The following DLG2 variants were observed in gnomAD, a reference collection of about 807,000 sequenced individuals.
The protein encoded by DLG2 is discs large MAGUK scaffold protein 2, also known as disks large homolog 2.
Under a neutral mutation model 132.5 loss-of-function variants are expected in DLG2, and 45 were observed. That is an observed-to-expected ratio of 0.34 (90% CI 0.27 to 0.44). DLG2 has a LOEUF of 0.44. Among genes scored for constraint, DLG2 ranks in the 20% least tolerant of loss-of-function variants. DLG2 has a pLI of 1.00. For synonymous variants in DLG2, 424 were observed against 419.6 expected, an observed-to-expected ratio of 1.01 and a Z score of -0.13; for missense variants, 1,045 against 1,196.9, an observed-to-expected ratio of 0.87 and a Z score of 1.87.
At chr11:84,335,692 G>A (rs1471677897) in intron 7 of DLG2, among the ~76,000 whole-genome samples, 1 of 152,170 alleles carries the variant, frequency 6.6e-6, no homozygotes, top group African/African-American at 2.4e-5. Flanking sequence ...TCATCAATCA[G>A]CTGTGGGACC....
rs561163433 is a variant in DLG2, at chr11:83,509,101, TG to T, written c.2193+23606del. 2.4e-3 allele frequency among the ~76,000 whole-genome samples: 373 copies of T among 152,354 alleles called. 2 individuals carry two copies. The highest frequency in any genetic ancestry group is 8.4e-3 in the African/African-American group (348 of 41,594). ...GTGTGGTTATATGCTCCCAGGCATT[TG>T]TTAAGTAAGGAAAGTGCACAAGGCA... On this transcript the variant is annotated intron_variant, in intron 21 of 27. Transcript: ENST00000376104.
At chr11:85,341,167 G>A (rs1331305092) in intron 3 of DLG2, among the ~76,000 whole-genome samples, 1 of 152,036 alleles carries the variant, frequency 6.6e-6, no homozygotes, top group Non-Finnish European at 1.5e-5. Context: ...CGCCCAGGCT[G>A]GAGTGTAGTG....
chr11:83,655,177 C>T (rs891640046), intron 18 of DLG2, among the ~76,000 whole-genome samples: 4 of 152,154 alleles, frequency 2.6e-5, no homozygotes, highest in Non-Finnish European at 5.9e-5. Flanking sequence ...TAGGGCATTA[C>T]AGTTTAAAAA....
intron 7 of DLG2, among the ~76,000 whole-genome samples, chr11:84,364,447 C>A (rs1224217384): frequency 6.6e-6 from 1 of 152,124 alleles, no homozygotes; most frequent in Non-Finnish European, 1.5e-5. Context: ...ACAATCATGT[C>A]ATCTGCAAAC....
chr11:84,144,836 C>A (rs369327994), intron 9 of DLG2, among the ~76,000 whole-genome samples: 1 of 151,700 alleles, frequency 6.6e-6, no homozygotes, highest in African/African-American at 2.4e-5. Context: ...TTTTTGCCAG[C>A]CTGAGAGTTA....
chr11:83,803,717 C>CT (rs1221580801), intron 17 of DLG2, among the ~76,000 whole-genome samples: 1 of 151,972 alleles, frequency 6.6e-6, no homozygotes, highest in Non-Finnish European at 1.5e-5. Context: ...TTCTTGTTTC[C>CT]TTTTTTCCTC....
chr11:83,478,335 C>T (rs1005239961), intron 22 of DLG2, among the ~76,000 whole-genome samples: 1 of 152,052 alleles, frequency 6.6e-6, no homozygotes, highest in Non-Finnish European at 1.5e-5. Context: ...GGATGAGACT[C>T]AAGCCAATAG....
At position 84,490,821 on chromosome 11, in the gene DLG2, T is replaced by C. The variant is rs78907829; in HGVS notation, c.519+43749A>G. ...TCTTGTTTTGACATCCTCTATTTTCTAGAGTTCTGGAGAGTAGGAATAATG... is the reference window on the plus strand; with the variant it reads ...TCTTGTTTTGACATCCTCTATTTTCCAGAGTTCTGGAGAGTAGGAATAATG... On this transcript the variant is annotated intron_variant, in intron 7 of 27. Transcript: ENST00000376104. 2.2e-3 allele frequency among the ~76,000 whole-genome samples: 334 copies of C among 152,072 alleles called. 2 individuals carry two copies. The highest frequency in any genetic ancestry group is 7.9e-3 in the African/African-American group (328 of 41,490).
rs563418779 is a variant in DLG2, at chr11:85,016,055, A to T, written c.357+95606T>A. On this transcript the variant is annotated intron_variant, in intron 6 of 27. Transcript: ENST00000376104. ...GTTTAAAAACGTTAAAATAGAAATT[A>T]AAAAAAAACTATAGGTAAAAACGTC... Among the ~76,000 whole-genome samples the T allele has an allele frequency of 2.7e-4, 41 of 151,714 alleles. No individual in the cohort carries two copies. The East Asian group carries it at 5.2e-3, about 19-fold the overall frequency.
At chr11:84,923,650 A>G (rs557310744) in intron 6 of DLG2, 1 of 935,298 alleles carries the variant, frequency 1.1e-6, no homozygotes, top group East Asian at 1.2e-4. Flanking sequence ...ATTCCAGGCT[A>G]TTCTGGTGCA....
At chr11:84,857,905 C>A (rs1371246485) in intron 6 of DLG2, among the ~76,000 whole-genome samples, 1 of 142,112 alleles carries the variant, frequency 7.0e-6, no homozygotes. Context: ...TTTTTTTTTT[C>A]TTTGAGACAA....
At chr11:84,097,831 C>G (rs1290789293) in intron 10 of DLG2, among the ~76,000 whole-genome samples, 1 of 152,036 alleles carries the variant, frequency 6.6e-6, no homozygotes, top group Non-Finnish European at 1.5e-5. Flanking sequence ...CCTGAAAAAT[C>G]TCTCCTAATT....
At chr11:84,640,368 A>G (rs1449186166) in intron 6 of DLG2, 2 of 348,734 alleles carry the variant, frequency 5.7e-6, no homozygotes, top group Non-Finnish European at 1.0e-5. Context: ...CAGGGTTTGG[A>G]TAAGGCCAAA....
At chr11:85,594,988 C>T (rs1190537618) in intron 3 of DLG2, among the ~76,000 whole-genome samples, 1 of 149,808 alleles carries the variant, frequency 6.7e-6, no homozygotes, top group Non-Finnish European at 1.5e-5. Flanking sequence ...ATCGCTTGAA[C>T]CAGGAGGCAG....
At chr11:84,091,102 C>T (rs1189887285) in intron 10 of DLG2, among the ~76,000 whole-genome samples, 1 of 152,126 alleles carries the variant, frequency 6.6e-6, no homozygotes, top group Non-Finnish European at 1.5e-5. Flanking sequence ...CTGTGTTTTG[C>T]TTAGTCTTTG....
chr11:84,063,605 A>G (rs1199287579), intron 10 of DLG2, among the ~76,000 whole-genome samples: 5 of 152,162 alleles, frequency 3.3e-5, no homozygotes, highest in Non-Finnish European at 5.9e-5. Context: ...CAGCCATCCC[A>G]TTACTGGGTA....
intron 6 of DLG2, among the ~76,000 whole-genome samples, chr11:84,617,773 CGAA>C (rs1674348918): frequency 6.6e-6 from 1 of 151,940 alleles, no homozygotes; most frequent in African/African-American, 2.4e-5. Context: ...GGGTACACTA[CGAA>C]GAAGGGAGGT....
intron 21 of DLG2, among the ~76,000 whole-genome samples, chr11:83,487,643 A>G (rs2093602761): frequency 6.6e-6 from 1 of 152,094 alleles, no homozygotes; most frequent in South Asian, 2.1e-4. Context: ...AAGTGATATC[A>G]CAGTGTGTTC....
chr11:85,442,835 C>T (rs375290295), intron 3 of DLG2, among the ~76,000 whole-genome samples: 10 of 151,684 alleles, frequency 6.6e-5, no homozygotes, highest in Admixed American at 2.0e-4. Flanking sequence ...GATTTCATCA[C>T]GCGACTACAC....
Sources: allele counts gnomAD v4.1 joint callset (sites outside exome capture counted in the v4.1 genomes callset), GRCh38; gene constraint gnomAD v4.1.1; transcripts MANE v1.5; gene names NCBI Gene and HGNC (gene_info 2026-07-23, HGNC 2026-07-21).